FAM167A: variants seen among roughly 807,000 people sequenced by gnomAD.
The protein encoded by FAM167A is family with sequence similarity 167 member A.
FAM167A carries 23 observed loss-of-function variants against 14.9 expected under a neutral mutation model. The ratio of observed to expected loss-of-function variants is 1.55; its 90% CI spans 1.11 to 2.19. The LOEUF (loss-of-function observed/expected upper bound fraction) is 2.19. Ranked by LOEUF, FAM167A falls within the 30% of genes most tolerant of loss-of-function variation. FAM167A has a pLI of 0.00. For missense variants in FAM167A, 401 were observed against 281.5 expected, an observed-to-expected ratio of 1.42 and a Z score of -3.04; for synonymous variants, 174 against 117.7, an observed-to-expected ratio of 1.48 and a Z score of -3.10.
chr8:11,466,148 C>T (rs1807756035), intron 1 of FAM167A, among the ~76,000 whole-genome samples: 1 of 152,084 alleles, frequency 6.6e-6, no homozygotes, highest in Non-Finnish European at 1.5e-5. Context: ...GTCCTTAGAG[C>T]ACCCTTGGGT....
At chr8:11,449,173 T>G (rs4841534) in intron 1 of FAM167A, among the ~76,000 whole-genome samples, 3 of 152,052 alleles carry the variant, frequency 2.0e-5, no homozygotes, top group African/African-American at 7.3e-5. Flanking sequence ...TCGTCAGTGT[T>G]TGGGGAGCAC....
intron 2 of FAM167A, among the ~76,000 whole-genome samples, chr8:11,430,641 G>C (rs1805518189): frequency 6.6e-6 from 1 of 152,170 alleles, no homozygotes; most frequent in East Asian, 1.9e-4. Context: ...TGTTTCTCAA[G>C]GTAGAAGGCA....
chr8:11,460,758 C>T (rs1370003360), intron 1 of FAM167A, among the ~76,000 whole-genome samples: 3 of 152,116 alleles, frequency 2.0e-5, no homozygotes, highest in African/African-American at 7.2e-5. Context: ...CCCCAGGTCC[C>T]ACAGCTCCAT....
chr8:11,455,262 G>T lies in FAM167A; in HGVS notation c.-397-10454C>A, dbSNP rs1807192135. On this transcript the variant is annotated intron_variant, in intron 1 of 2. Transcript: ENST00000284486. Reference sequence around the variant, plus strand: ...GCCTTGCTGTGTGAGTGTGGGTGGTGGTTGCCTTGCTCTGTGTGTGTCTGG... The same window carrying T: ...GCCTTGCTGTGTGAGTGTGGGTGGTTGTTGCCTTGCTCTGTGTGTGTCTGG... Among the ~76,000 whole-genome samples, 3 of 149,236 alleles carry T rather than the reference G, an allele frequency of 2.0e-5. No individual in the cohort carries two copies. The South Asian group carries it at 6.5e-4, about 33-fold the overall frequency.
upstream of FAM167A, among the ~76,000 whole-genome samples, chr8:11,468,702 CA>C (rs1317998341): frequency 2.6e-5 from 4 of 152,228 alleles, no homozygotes; most frequent in Non-Finnish European, 5.9e-5. Context: ...ATGGGCCATT[CA>C]GCCCCATCTG....
At chr8:11,428,261 G>A (rs529057205) in intron 2 of FAM167A, among the ~76,000 whole-genome samples, 2 of 152,212 alleles carry the variant, frequency 1.3e-5, no homozygotes, top group Non-Finnish European at 2.9e-5. Context: ...GGGGTAGCAG[G>A]AAGGAAGGGG....
intron 2 of FAM167A, among the ~76,000 whole-genome samples, chr8:11,437,124 G>A (rs1806072662): frequency 6.6e-6 from 1 of 152,206 alleles, no homozygotes. Flanking sequence ...TCAGCTGCCA[G>A]GGGCCTCACA....
At chr8:11,425,109 T>A (rs1020902702) in intron 2 of FAM167A, among the ~76,000 whole-genome samples, 1 of 152,232 alleles carries the variant, frequency 6.6e-6, no homozygotes, top group African/African-American at 2.4e-5. Flanking sequence ...GTTGTTACAT[T>A]ACTCTTTAAA....
intron 2 of FAM167A, among the ~76,000 whole-genome samples, chr8:11,425,954 C>A (rs763460776): frequency 2.6e-5 from 4 of 152,260 alleles, no homozygotes; most frequent in East Asian, 1.9e-4. Context: ...CTTTCTAGGC[C>A]TTTCCAAGAT....
rs564140732 is a variant in FAM167A, at chr8:11,445,573, G to C, written c.-397-765C>G. The stretch of plus-strand genomic sequence containing the variant: ...CCTAAGTGCCCGCATGGCAGCACCT[G>C]TTTGGTAAAGACTTCAGCTATGGGA... On this transcript the variant is annotated intron_variant, in intron 1 of 2. Coordinates refer to ENST00000284486, the MANE Select transcript of FAM167A (RefSeq NM_053279.3). The C allele has an allele frequency of 5.0e-5, 49 of 985,542 alleles. No homozygotes were observed. The South Asian group carries it at 1.8e-3, about 37-fold the overall frequency. 61.0% of individuals were successfully genotyped at this position (985,542 alleles called of 1,614,324 possible). A position where few individuals can be genotyped will look rare whatever the true frequency, so the allele number is the denominator to read the frequency against.
At chr8:11,452,265 A>G (rs1161821964) in intron 1 of FAM167A, among the ~76,000 whole-genome samples, 2 of 152,232 alleles carry the variant, frequency 1.3e-5, no homozygotes, top group Non-Finnish European at 2.9e-5. Context: ...ACAATTTCGC[A>G]TATGAGTGAA....
upstream of FAM167A, among the ~76,000 whole-genome samples, chr8:11,470,060 A>G (rs1807907148): frequency 6.6e-6 from 1 of 152,232 alleles, no homozygotes; most frequent in Admixed American, 6.5e-5. Flanking sequence ...AAGTTAGATG[A>G]AGGACCTCGC....
intron 1 of FAM167A, among the ~76,000 whole-genome samples, chr8:11,449,570 CGCT>C (rs1411927115): frequency 6.6e-6 from 1 of 152,204 alleles, no homozygotes; most frequent in Non-Finnish European, 1.5e-5. Context: ...AGCCAAAGGA[CGCT>C]GCCAGACCTG....
chr8:11,427,980 T>C (rs922419785), intron 2 of FAM167A, among the ~76,000 whole-genome samples: 4 of 152,206 alleles, frequency 2.6e-5, no homozygotes, highest in Admixed American at 6.5e-5. Context: ...TAAACCCTTC[T>C]GAGGAGATGG....
chr8:11,468,268 T>C (rs571632845), upstream of FAM167A, among the ~76,000 whole-genome samples: 4 of 152,354 alleles, frequency 2.6e-5, no homozygotes, highest in East Asian at 1.9e-4. Context: ...GGGGCCTGGC[T>C]GGCCTCTGTC....
intron 1 of FAM167A, among the ~76,000 whole-genome samples, chr8:11,447,185 TTTTC>T (rs1418305889): frequency 1.9e-5 from 1 of 52,334 alleles, no homozygotes; most frequent in African/African-American, 7.3e-5. Flanking sequence ...TTTCTTTTCT[TTTTC>T]TTTTTTTTGA....
chr8:11,448,077 C>T (rs28479369), intron 1 of FAM167A, among the ~76,000 whole-genome samples: 17,941 of 152,030 alleles, frequency 0.12, 1,187 homozygotes, highest in African/African-American at 0.18. Flanking sequence ...GCCTGTAATC[C>T]CAGCTACTTG....
chr8:11,464,039 G>A (rs1373377409), intron 1 of FAM167A, among the ~76,000 whole-genome samples: 2 of 152,202 alleles, frequency 1.3e-5, no homozygotes, highest in South Asian at 4.1e-4. Context: ...TGTGCCCACA[G>A]GGAGACTGGG....
chr8:11,444,910 C>G (rs777013304), intron 1 of FAM167A, 102 bp from the exon 2 acceptor site: 2 of 909,390 alleles, frequency 2.2e-6, no homozygotes, highest in Non-Finnish European at 2.6e-6. Flanking sequence ...TCAGAGTGGA[C>G]TGGTGGCTGC....
Sources: allele counts gnomAD v4.1 joint callset (sites outside exome capture counted in the v4.1 genomes callset), GRCh38; gene constraint gnomAD v4.1.1; transcripts MANE v1.5; gene names NCBI Gene and HGNC (gene_info 2026-07-23, HGNC 2026-07-21).